The following KCNIP1 variants were observed in gnomAD, a reference collection of about 807,000 sequenced individuals.
KCNIP1 encodes potassium voltage-gated channel interacting protein 1.
A neutral mutation model predicts 33.0 loss-of-function variants in KCNIP1; 18 were observed. That is an observed-to-expected ratio of 0.55 (90% CI 0.38 to 0.81). The LOEUF is 0.81. KCNIP1 is among the 30% of genes least tolerant of loss of function. KCNIP1 has a pLI of 0.00. For synonymous variants in KCNIP1, 93 were observed against 98.3 expected (o/e 0.95, Z 0.32); for missense variants, 238 against 271.6 (o/e 0.88, Z 0.87).
chr5:170,353,859 T>C, exon 1 of KCNIP1: 1 of 1,612,898 alleles, frequency 6.2e-7, no homozygotes, highest in Non-Finnish European at 8.5e-7. Flanking sequence ...CAGCAGAGCC[T>C]GGCTCCCCTC....
chr5:170,657,184 T>TG (rs1401297135), intron 1 of KCNIP1, among the ~76,000 whole-genome samples: 1 of 151,860 alleles, frequency 6.6e-6, no homozygotes, highest in African/African-American at 2.4e-5. Flanking sequence ...TTAGTAGAGA[T>TG]GGGGTTTCAC....
exon 1 of KCNIP1, chr5:170,353,715 C>T: frequency 1.6e-6 from 1 of 642,856 alleles, no homozygotes; most frequent in Middle Eastern, 4.2e-4. Context: ...AGAAGCCAGA[C>T]TCGCTGCAGA....
In KCNIP1 at chr5:170,650,482, G is replaced by A. The variant is rs532763027; in HGVS notation, c.62-68276G>A. 9.6e-4 allele frequency among the ~76,000 whole-genome samples: 146 copies of A among 152,256 alleles called. 1 individual carries two copies. Among genetic ancestry groups the A allele is most frequent in the African/African-American group, 3.2e-3 (132 of 41,540 alleles). On this transcript the variant is annotated intron_variant, in intron 1 of 7. Transcript: ENST00000328939. ...CTGCATTATTCTGGGACTCATTCAC[G>A]TTGTGTAACTGAATACTTCATTCCT...
chr5:170,712,965 G>A, intron 1 of KCNIP1: 2 of 1,167,252 alleles, frequency 1.7e-6, no homozygotes, highest in East Asian at 2.3e-5. Context: ...CTCATGTTTT[G>A]TAATTAGTCT....
intron 1 of KCNIP1, chr5:170,383,964 C>T (rs1764363195): frequency 2.0e-6 from 2 of 1,013,228 alleles, no homozygotes; most frequent in Non-Finnish European, 2.9e-6. Context: ...GGACTGGGAT[C>T]CTCATCTTGT....
At chr5:170,710,786 T>C (rs1763418415) in intron 1 of KCNIP1, among the ~76,000 whole-genome samples, 1 of 152,226 alleles carries the variant, frequency 6.6e-6, no homozygotes, top group African/African-American at 2.4e-5. Context: ...TTGCATATGC[T>C]CTTCCCTTGT....
chr5:170,362,675 A>G (rs900265786), intron 1 of KCNIP1, among the ~76,000 whole-genome samples: 3 of 152,228 alleles, frequency 2.0e-5, no homozygotes, highest in Non-Finnish European at 4.4e-5. Context: ...GAATGAGGTC[A>G]GTTGGAAGCT....
chr5:170,433,439 G>A (rs147419501), intron 1 of KCNIP1, among the ~76,000 whole-genome samples: 2,811 of 152,190 alleles, frequency 0.018, 69 homozygotes, highest in South Asian at 0.059. Context: ...CGCCCGCCTC[G>A]GCACCCCAAA....
At chr5:170,523,715 C>T (rs987653890) in intron 1 of KCNIP1, among the ~76,000 whole-genome samples, 1 of 152,116 alleles carries the variant, frequency 6.6e-6, no homozygotes, top group African/African-American at 2.4e-5. Context: ...GCGGATGACA[C>T]CAAGTGTCTT....
intron 1 of KCNIP1, among the ~76,000 whole-genome samples, chr5:170,630,264 C>CGGAT: frequency 1.3e-5 from 2 of 152,284 alleles, no homozygotes; most frequent in African/African-American, 2.4e-5. Context: ...AATAAATGGA[C>CGGAT]GGATGGATGG....
intron 1 of KCNIP1, among the ~76,000 whole-genome samples, chr5:170,363,540 C>T (rs531363047): frequency 3.3e-4 from 51 of 152,270 alleles, no homozygotes; most frequent in African/African-American, 1.2e-3. Context: ...CAACCCTGCC[C>T]GAACCTTAAT....
intron 1 of KCNIP1, chr5:170,378,926 G>C: frequency 6.2e-7 from 1 of 1,614,168 alleles, no homozygotes; most frequent in South Asian, 1.1e-5. Flanking sequence ...TCTCCACGTC[G>C]GCCCGGGCCG....
intron 1 of KCNIP1, among the ~76,000 whole-genome samples, chr5:170,521,794 C>A (rs1755372642): frequency 6.6e-6 from 1 of 152,216 alleles, no homozygotes. Flanking sequence ...GTAACCCTAG[C>A]TGCTATAACA....
intron 1 of KCNIP1, among the ~76,000 whole-genome samples, chr5:170,590,125 T>G (rs1230628526): frequency 6.6e-6 from 1 of 152,144 alleles, no homozygotes; most frequent in Non-Finnish European, 1.5e-5. Context: ...TTGATTTTAT[T>G]GGACACAAGT....
intron 1 of KCNIP1, among the ~76,000 whole-genome samples, chr5:170,580,356 T>C (rs6892514): frequency 0.31 from 47,263 of 152,156 alleles, 8,191 homozygotes; most frequent in Middle Eastern, 0.45. Flanking sequence ...CTATGTACCC[T>C]GTACATGTCT....
chr5:170,573,900 G>A (rs747524440), intron 1 of KCNIP1, among the ~76,000 whole-genome samples: 4 of 152,034 alleles, frequency 2.6e-5, no homozygotes, highest in Non-Finnish European at 4.4e-5. Context: ...AGTGGCTTAT[G>A]TTTGTGCTTC....
At chr5:170,565,682 T>C (rs552949823) in intron 1 of KCNIP1, among the ~76,000 whole-genome samples, 2 of 152,354 alleles carry the variant, frequency 1.3e-5, no homozygotes, top group East Asian at 1.9e-4. Flanking sequence ...GTTCAAGGCA[T>C]GTGTTTTAAG....
chr5:170,650,784 G>A (rs1761015607), intron 1 of KCNIP1, among the ~76,000 whole-genome samples: 2 of 152,084 alleles, frequency 1.3e-5, no homozygotes, highest in South Asian at 4.1e-4. Context: ...ATACCCACCA[G>A]CTCTCCATTA....
intron 1 of KCNIP1, among the ~76,000 whole-genome samples, chr5:170,594,654 C>G (rs1408472149): frequency 2.0e-5 from 3 of 152,216 alleles, no homozygotes; most frequent in Admixed American, 2.0e-4. Flanking sequence ...GGGATTACAG[C>G]TGCCCACCAC....
Sources: gnomAD v4.1 joint callset for allele counts (sites outside exome capture counted in the v4.1 genomes callset) on GRCh38, gnomAD v4.1.1 for gene constraint, MANE v1.5 for transcripts, NCBI Gene and HGNC (gene_info 2026-07-23, HGNC 2026-07-21) for gene names.